The following FARS2 variants were observed in gnomAD, a reference collection of about 807,000 sequenced individuals.
The protein encoded by FARS2 is phenylalanyl-tRNA synthetase 2, mitochondrial.
In FARS2, 40 loss-of-function variants were observed where a neutral mutation model predicts 46.4. That is an observed-to-expected ratio of 0.86 (90% CI 0.67 to 1.12). The LOEUF is 1.12. Ranked by LOEUF, FARS2 falls within the 50% of genes most tolerant of loss-of-function variation. The pLI is 0.00. For missense variants in FARS2, 513 were observed against 567.9 expected (o/e 0.90, Z 0.98); for synonymous variants, 234 against 214.9 (o/e 1.09, Z -0.78).
At chr6:5,553,553 T>C (rs1234099034) in intron 5 of FARS2, among the ~76,000 whole-genome samples, 1 of 152,152 alleles carries the variant, frequency 6.6e-6, no homozygotes, top group Admixed American at 6.5e-5. Flanking sequence ...TTAACCTGAG[T>C]ATAAAACTCA....
At chr6:5,402,719 C>T (rs534637855) in intron 2 of FARS2, among the ~76,000 whole-genome samples, 64 of 152,220 alleles carry the variant, frequency 4.2e-4, no homozygotes, top group African/African-American at 1.3e-3. Context: ...GGTTGTCTTT[C>T]GCTTTGTATT....
At chr6:5,723,659 G>A (rs1007346401) in intron 6 of FARS2, among the ~76,000 whole-genome samples, 1 of 152,152 alleles carries the variant, frequency 6.6e-6, no homozygotes, top group Non-Finnish European at 1.5e-5. Context: ...GAATGAAGCA[G>A]GTTTGTTTTT....
intron 4 of FARS2, among the ~76,000 whole-genome samples, chr6:5,533,421 TTAAG>T (rs1398750042): frequency 5.9e-5 from 9 of 152,232 alleles, no homozygotes; most frequent in Non-Finnish European, 1.3e-4. Context: ...TCCATTTAAA[TTAAG>T]TAAGTAAACT....
intron 4 of FARS2, among the ~76,000 whole-genome samples, chr6:5,478,772 C>T (rs1169365577): frequency 6.6e-6 from 1 of 152,050 alleles, no homozygotes; most frequent in African/African-American, 2.4e-5. Context: ...GTCTGAGCTG[C>T]CATGAGTGGC....
At chr6:5,434,338 T>C (rs1452816679) in intron 4 of FARS2, among the ~76,000 whole-genome samples, 3 of 152,058 alleles carry the variant, frequency 2.0e-5, no homozygotes, top group African/African-American at 7.2e-5. Flanking sequence ...TCTCGAACTC[T>C]TGACCTCAGG....
chr6:5,375,451 A>G (rs1162033552), intron 2 of FARS2, among the ~76,000 whole-genome samples: 2 of 152,028 alleles, frequency 1.3e-5, no homozygotes, highest in African/African-American at 4.8e-5. Context: ...AGATTCATAG[A>G]TAGGAAAACA....
intron 1 of FARS2, among the ~76,000 whole-genome samples, chr6:5,285,236 C>T (rs979057805): frequency 1.6e-4 from 24 of 151,992 alleles, no homozygotes; most frequent in Non-Finnish European, 3.2e-4. Flanking sequence ...GATGCAGTGA[C>T]GGAAGAGGCC....
intron 5 of FARS2, among the ~76,000 whole-genome samples, chr6:5,603,272 T>A (rs1774645417): frequency 6.6e-6 from 1 of 152,162 alleles, no homozygotes; most frequent in Non-Finnish European, 1.5e-5. Flanking sequence ...ATTTTTGTAT[T>A]TTTTTGTTAA....
chr6:5,634,577 A>G (rs1582636463), intron 6 of FARS2, among the ~76,000 whole-genome samples: 1 of 151,872 alleles, frequency 6.6e-6, no homozygotes, highest in South Asian at 2.1e-4. Context: ...TCCCACCTTC[A>G]CCTCCCAAAG....
intron 6 of FARS2, among the ~76,000 whole-genome samples, chr6:5,730,496 A>G (rs1357562674): frequency 2.0e-5 from 3 of 151,670 alleles, no homozygotes; most frequent in African/African-American, 7.3e-5. Context: ...ATGTAGAAAA[A>G]GGATTTTCTA....
intron 6 of FARS2, among the ~76,000 whole-genome samples, chr6:5,726,656 G>A (rs1187880212): frequency 1.3e-5 from 2 of 152,172 alleles, no homozygotes; most frequent in East Asian, 1.9e-4. Flanking sequence ...TCTATGCCTC[G>A]GAGACCACAA....
At chr6:5,654,842 C>T (rs1434266248) in intron 6 of FARS2, among the ~76,000 whole-genome samples, 19 of 152,088 alleles carry the variant, frequency 1.2e-4, no homozygotes, top group Non-Finnish European at 2.8e-4. Flanking sequence ...TCTCCTCTTC[C>T]TCCTCCTCCT....
chr6:5,628,119 T>G lies in FARS2; in HGVS notation c.1217+14799T>G, dbSNP rs576380014. On this transcript the variant is annotated intron_variant, in intron 6 of 6. Coordinates refer to ENST00000274680, the MANE Select transcript of FARS2 (RefSeq NM_006567.5). Reference sequence around the variant, plus strand: ...CAGGAGCAGAAAACTGTAGGAAGTATGTAAATTATTCACGGTTACCTGGGA... The same window carrying G: ...CAGGAGCAGAAAACTGTAGGAAGTAGGTAAATTATTCACGGTTACCTGGGA... 1.7e-3 allele frequency among the ~76,000 whole-genome samples: 253 copies of G among 152,318 alleles called. 1 individual carries two copies. The highest frequency in any genetic ancestry group is 5.9e-3 in the African/African-American group (247 of 41,568).
At chr6:5,704,462 T>C (rs1213381335) in intron 6 of FARS2, among the ~76,000 whole-genome samples, 9 of 152,214 alleles carry the variant, frequency 5.9e-5, no homozygotes, top group Admixed American at 5.9e-4. Flanking sequence ...TAAAGTATAT[T>C]GCCCATATGC....
At chr6:5,615,312 G>C (rs151124963) in intron 6 of FARS2, among the ~76,000 whole-genome samples, 2 of 151,858 alleles carry the variant, frequency 1.3e-5, no homozygotes, top group South Asian at 4.2e-4. Context: ...TCTCATTTCC[G>C]CTTCATTTGG....
rs547672184 is a variant in FARS2 at position 5,376,054 on chromosome 6, T to C, written c.612+6872T>C. ...ATTTCTACGTGCTGGGTGGAGATATTTGCTGTGTTGTCAGACATATTCCTA... is the reference window on the plus strand; with the variant it reads ...ATTTCTACGTGCTGGGTGGAGATATCTGCTGTGTTGTCAGACATATTCCTA... On this transcript the variant is annotated intron_variant, in intron 2 of 6. Coordinates refer to ENST00000274680, the MANE Select transcript of FARS2 (RefSeq NM_006567.5). Among the ~76,000 whole-genome samples, 6 of 152,272 alleles carry C rather than the reference T, an allele frequency of 3.9e-5. No homozygotes were observed. The South Asian group carries it at 1.0e-3, about 26-fold the overall frequency.
intron 1 of FARS2, among the ~76,000 whole-genome samples, chr6:5,336,783 G>A (rs1003354443): frequency 1.3e-5 from 2 of 152,002 alleles, no homozygotes; most frequent in African/African-American, 4.8e-5. Flanking sequence ...AAATATATGC[G>A]TGTGTTTCCT....
At chr6:5,432,407 TTATA>T (rs1420136175) in intron 4 of FARS2, among the ~76,000 whole-genome samples, 1 of 123,000 alleles carries the variant, frequency 8.1e-6, no homozygotes, top group African/African-American at 3.0e-5. Flanking sequence ...ATATTATGTA[TTATA>T]TATAATATAT....
At chr6:5,462,602 G>C (rs902861627) in intron 4 of FARS2, among the ~76,000 whole-genome samples, 1 of 152,112 alleles carries the variant, frequency 6.6e-6, no homozygotes, top group Admixed American at 6.5e-5. Flanking sequence ...TTTTGAATGT[G>C]TATATCCATT....
Sources: allele counts gnomAD v4.1 joint callset (sites outside exome capture counted in the v4.1 genomes callset), GRCh38; gene constraint gnomAD v4.1.1; transcripts MANE v1.5; gene names NCBI Gene and HGNC (gene_info 2026-07-23, HGNC 2026-07-21).